Variants in INSL6 observed in about 807,000 individuals in gnomAD.
INSL6 encodes the protein insulin-like peptide INSL6.
Under a neutral mutation model 9.4 loss-of-function variants are expected in INSL6, and 16 were observed. The observed-to-expected ratio is 1.70, with a 90% confidence interval of 1.15 to 2.59. The LOEUF (loss-of-function observed/expected upper bound fraction) is 2.59, where lower values mean the gene tolerates loss of function less well. INSL6 is among the 30% of genes most tolerant of loss of function. The pLI is 0.00. For synonymous variants in INSL6, 154 were observed against 96.9 expected (o/e 1.59, Z -3.46); for missense variants, 391 against 257.3 (o/e 1.52, Z -3.56).
the INSL6 span, among the ~76,000 whole-genome samples, chr9:5,002,682 TA>T: frequency 2.0e-5 from 3 of 151,958 alleles, no homozygotes; most frequent in African/African-American, 4.8e-5. Context: ...TTTTACTGAT[TA>T]AAAAAATTTT....
chr9:5,077,423 CTTATTA>C, the INSL6 span: 6 of 815,544 alleles, frequency 7.4e-6, no homozygotes, highest in Admixed American at 1.8e-4. Context: ...ATACTTAAGC[CTTATTA>C]TTATTACTTA....
intron 1 of INSL6, among the ~76,000 whole-genome samples, chr9:5,170,569 T>TG (rs1213613017): frequency 6.7e-6 from 1 of 149,226 alleles, no homozygotes; most frequent in Non-Finnish European, 1.5e-5. Context: ...TTTTTTTTTT[T>TG]GGAAAAACTA....
chr9:5,041,237 C>T, the INSL6 span: 154 of 1,462,952 alleles, frequency 1.1e-4, no homozygotes, highest in Admixed American at 1.9e-4. Flanking sequence ...GGGGACCAAG[C>T]GGCAGCACGC....
the INSL6 span, among the ~76,000 whole-genome samples, chr9:5,024,573 C>T: frequency 6.6e-6 from 1 of 152,064 alleles, no homozygotes; most frequent in Non-Finnish European, 1.5e-5. Flanking sequence ...GGCTTTTCTA[C>T]TCTCCAATAC....
At chr9:5,138,506 C>A (rs1341368185) in intron 2 of INSL6, among the ~76,000 whole-genome samples, 2 of 151,962 alleles carry the variant, frequency 1.3e-5, no homozygotes, top group African/African-American at 4.8e-5. Context: ...ACCACATGTT[C>A]TCACTCATAA....
the INSL6 span, among the ~76,000 whole-genome samples, chr9:5,004,845 T>G: frequency 2.6e-5 from 4 of 152,016 alleles, no homozygotes; most frequent in African/African-American, 9.7e-5. Flanking sequence ...AGGTGAGATC[T>G]CACTATGGTT....
the INSL6 span, chr9:5,090,000 T>G: frequency 2.1e-6 from 1 of 484,828 alleles, no homozygotes; most frequent in Non-Finnish European, 3.4e-6. Context: ...GACTAGAGAT[T>G]GTGTTTGGTG....
At chr9:5,013,276 CCTCACCA>C in the INSL6 span, among the ~76,000 whole-genome samples, 1 of 152,062 alleles carries the variant, frequency 6.6e-6, no homozygotes, top group Non-Finnish European at 1.5e-5. Flanking sequence ...TTACATTTCA[CCTCACCA>C]TATTTAGGTT....
chr9:5,098,437 C>A, the INSL6 span: 1 of 152,086 alleles, frequency 6.6e-6, no homozygotes, highest in Non-Finnish European at 1.5e-5. Context: ...AATTATTTTC[C>A]TAATTAGTTC....
the INSL6 span, chr9:5,021,967 A>G: frequency 2.6e-6 from 4 of 1,566,720 alleles, no homozygotes; most frequent in African/African-American, 2.7e-5. Context: ...TTACAGGCAA[A>G]TGTTCTGAAA....
At chr9:5,184,696 T>C (rs930377390) in intron 1 of INSL6, among the ~76,000 whole-genome samples, 1 of 152,212 alleles carries the variant, frequency 6.6e-6, no homozygotes, top group Non-Finnish European at 1.5e-5. Flanking sequence ...TTTGAAACTT[T>C]AAGTGAATGA....
chr9:5,153,204 C>G (rs1824746078), intron 2 of INSL6, among the ~76,000 whole-genome samples: 1 of 152,084 alleles, frequency 6.6e-6, no homozygotes, highest in African/African-American at 2.4e-5. Flanking sequence ...CGTTCACTCC[C>G]CTGAAAAGGG....
intron 2 of INSL6, among the ~76,000 whole-genome samples, chr9:5,141,667 T>C (rs1824504740): frequency 1.3e-5 from 2 of 152,358 alleles, no homozygotes; most frequent in South Asian, 2.1e-4. Flanking sequence ...ATTCTGTAGG[T>C]TGTGTGTTCA....
At chr9:5,034,479 T>C in the INSL6 span, among the ~76,000 whole-genome samples, 2 of 151,980 alleles carry the variant, frequency 1.3e-5, no homozygotes, top group East Asian at 1.9e-4. Context: ...ATTGACCACA[T>C]AGTTGGAAGT....
the INSL6 span, among the ~76,000 whole-genome samples, chr9:5,034,839 G>A: frequency 2.0e-5 from 3 of 152,076 alleles, no homozygotes; most frequent in African/African-American, 7.2e-5. Flanking sequence ...AGAAAACCAA[G>A]AGCAAACACA....
At chr9:5,005,502 T>A in the INSL6 span, among the ~76,000 whole-genome samples, 1 of 152,190 alleles carries the variant, frequency 6.6e-6, no homozygotes, top group Non-Finnish European at 1.5e-5. Context: ...TTTGCACTCC[T>A]GGGGGTAAAT....
At chr9:5,096,176 A>G in the INSL6 span, among the ~76,000 whole-genome samples, 2 of 152,190 alleles carry the variant, frequency 1.3e-5, no homozygotes, top group South Asian at 4.1e-4. Context: ...TGACAATTCA[A>G]AAACACAAAA....
chr9:5,050,772 TATG>T, the INSL6 span: 1 of 1,613,564 alleles, frequency 6.2e-7, no homozygotes. Flanking sequence ...CAGTGTTAGA[TATG>T]ATGAGAATAG....
chr9:5,051,547 T>C, the INSL6 span, among the ~76,000 whole-genome samples: 1 of 152,212 alleles, frequency 6.6e-6, no homozygotes, highest in Non-Finnish European at 1.5e-5. Flanking sequence ...GGTATTCTTA[T>C]ACAAATGGTC....
Sources: gnomAD v4.1 joint callset for allele counts (sites outside exome capture counted in the v4.1 genomes callset) on GRCh38, gnomAD v4.1.1 for gene constraint, MANE v1.5 for transcripts, NCBI Gene and HGNC (gene_info 2026-07-23, HGNC 2026-07-21) for gene names.